The following RIMS2 variants were observed in gnomAD, a reference collection of about 807,000 sequenced individuals.
RIMS2 encodes regulating synaptic membrane exocytosis 2, also known as regulating synaptic membrane exocytosis protein 2.
Under a neutral mutation model 174.4 loss-of-function variants are expected in RIMS2, and 59 were observed. The observed-to-expected ratio is 0.34, with a 90% CI of 0.27 to 0.42. RIMS2 has a LOEUF of 0.42. Ranked by LOEUF, RIMS2 falls within the 10% of genes least tolerant of loss-of-function variation. The pLI is 1.00. For missense variants in RIMS2, 1,620 were observed against 1,666.3 expected, an observed-to-expected ratio of 0.97 and a Z score of 0.48; for synonymous variants, 606 against 572.5, an observed-to-expected ratio of 1.06 and a Z score of -0.84.
At chr8:103,660,023 C>A (rs923784646) in intron 1 of RIMS2, among the ~76,000 whole-genome samples, 2 of 152,230 alleles carry the variant, frequency 1.3e-5, no homozygotes, top group Admixed American at 1.3e-4. Flanking sequence ...CTACCAAATT[C>A]ATTGGAGAGA....
chr8:103,554,301 G>T (rs1194261095), intron 1 of RIMS2, among the ~76,000 whole-genome samples: 2 of 152,110 alleles, frequency 1.3e-5, no homozygotes, highest in East Asian at 1.9e-4. Context: ...TCCAGCAAAG[G>T]TCTACTATCC....
At chr8:104,116,329 A>G (rs571079978) in intron 19 of RIMS2, among the ~76,000 whole-genome samples, 1 of 152,322 alleles carries the variant, frequency 6.6e-6, no homozygotes, top group East Asian at 1.9e-4. Flanking sequence ...AGGTATGAAA[A>G]GAAATATTGT....
At chr8:103,867,555 A>G (rs2099089756) in intron 3 of RIMS2, among the ~76,000 whole-genome samples, 1 of 151,960 alleles carries the variant, frequency 6.6e-6, no homozygotes, top group Non-Finnish European at 1.5e-5. Flanking sequence ...TTAATAGTTA[A>G]GGTAAAAAGC....
At chr8:103,584,279 C>T (rs1257491279) in intron 1 of RIMS2, among the ~76,000 whole-genome samples, 1 of 152,088 alleles carries the variant, frequency 6.6e-6, no homozygotes, top group Non-Finnish European at 1.5e-5. Context: ...TAAAGACTCC[C>T]AGATGAACAA....
chr8:103,914,413 G>A (rs1208467678), intron 6 of RIMS2, among the ~76,000 whole-genome samples: 1 of 152,064 alleles, frequency 6.6e-6, no homozygotes, highest in Non-Finnish European at 1.5e-5. Context: ...GTTGTAATAT[G>A]ATTAAATAAA....
At chr8:103,866,644 T>C (rs548917800) in intron 3 of RIMS2, among the ~76,000 whole-genome samples, 2 of 152,228 alleles carry the variant, frequency 1.3e-5, no homozygotes, top group East Asian at 1.9e-4. Flanking sequence ...ATTTGTGCTT[T>C]CATAAACTTT....
At chr8:103,793,556 A>G (rs1304803012) in intron 3 of RIMS2, among the ~76,000 whole-genome samples, 1 of 152,182 alleles carries the variant, frequency 6.6e-6, no homozygotes, top group Non-Finnish European at 1.5e-5. Flanking sequence ...CTCCTATTCA[A>G]CATAGTGTTG....
intron 19 of RIMS2, among the ~76,000 whole-genome samples, chr8:104,226,701 G>A (rs1406634980): frequency 6.6e-6 from 1 of 152,178 alleles, no homozygotes; most frequent in Non-Finnish European, 1.5e-5. Flanking sequence ...GGTGCCCTGA[G>A]AAAGTGAGGG....
At chr8:103,535,444 T>C (rs1240076507) in intron 1 of RIMS2, among the ~76,000 whole-genome samples, 2 of 152,214 alleles carry the variant, frequency 1.3e-5, no homozygotes, top group African/African-American at 4.8e-5. Flanking sequence ...CAGATCAGGC[T>C]CAAGTATATC....
intron 1 of RIMS2, among the ~76,000 whole-genome samples, chr8:103,583,364 CT>C (rs2093723925): frequency 6.6e-6 from 1 of 152,146 alleles, no homozygotes. Context: ...GTTATATCAT[CT>C]TCAGTGCCTA....
intron 2 of RIMS2, among the ~76,000 whole-genome samples, chr8:103,723,797 C>G (rs576081218): frequency 6.6e-6 from 1 of 151,966 alleles, no homozygotes; most frequent in East Asian, 1.9e-4. Context: ...AGCCCATAGC[C>G]TGAGGCCACA....
chr8:103,808,581 T>C (rs778795787), intron 3 of RIMS2, among the ~76,000 whole-genome samples: 2 of 152,116 alleles, frequency 1.3e-5, no homozygotes, highest in Non-Finnish European at 2.9e-5. Flanking sequence ...AATTCAGCAA[T>C]CCATCATCTT....
At chr8:104,079,598 GAT>G (rs5893676) in intron 19 of RIMS2, among the ~76,000 whole-genome samples, 2,605 of 50,098 alleles carry the variant, frequency 0.052, 37 homozygotes, top group Middle Eastern at 0.083. Context: ...GATTAAGCAT[GAT>G]ATATATATAT....
chr8:103,612,899 C>G (rs1332206939), intron 1 of RIMS2, among the ~76,000 whole-genome samples: 2 of 152,174 alleles, frequency 1.3e-5, no homozygotes, highest in African/African-American at 4.8e-5. Context: ...TTACTTTCTT[C>G]CAGACAAATG....
At chr8:103,707,566 G>A (rs1002566741) in intron 2 of RIMS2, among the ~76,000 whole-genome samples, 2 of 152,178 alleles carry the variant, frequency 1.3e-5, no homozygotes, top group Non-Finnish European at 2.9e-5. Flanking sequence ...AGGTTCCCAG[G>A]CAAAGTCTTT....
At chr8:103,540,243 C>T (rs1165261049) in intron 1 of RIMS2, among the ~76,000 whole-genome samples, 3 of 152,150 alleles carry the variant, frequency 2.0e-5, no homozygotes. Flanking sequence ...TAAGCGAGAC[C>T]CAACATGAAG....
chr8:103,631,837 CTT>C (rs1401032871), intron 1 of RIMS2, among the ~76,000 whole-genome samples: 16 of 152,104 alleles, frequency 1.1e-4, no homozygotes, highest in African/African-American at 3.9e-4. Context: ...TTGTAGAGAC[CTT>C]TTACCTTCCT....
chr8:104,252,338 G>C (rs2140339823), downstream of RIMS2: 1 of 161,084 alleles, frequency 6.2e-6, no homozygotes, highest in South Asian at 1.7e-4. Context: ...AATCAGAGCA[G>C]TCAGTCCAGC....
intron 2 of RIMS2, among the ~76,000 whole-genome samples, chr8:103,713,535 AT>A (rs949491971): frequency 4.6e-5 from 7 of 151,886 alleles, no homozygotes; most frequent in Non-Finnish European, 1.0e-4. Flanking sequence ...CTTTCCCCAA[AT>A]TTTTTTGATT....
Sources: gnomAD v4.1 joint callset for allele counts (sites outside exome capture counted in the v4.1 genomes callset) on GRCh38, gnomAD v4.1.1 for gene constraint, MANE v1.5 for transcripts, NCBI Gene and HGNC (gene_info 2026-07-23, HGNC 2026-07-21) for gene names.